The following NEK10 variants were observed in gnomAD, a reference collection of about 807,000 sequenced individuals.
The protein encoded by NEK10 is serine/threonine-protein kinase Nek10.
NEK10 carries 122 observed loss-of-function variants against 159.8 expected under a neutral mutation model. The ratio of observed to expected loss-of-function variants is 0.76; its 90% CI spans 0.66 to 0.89. The LOEUF (loss-of-function observed/expected upper bound fraction) is 0.89, where lower values mean the gene tolerates loss of function less well. NEK10 is among the 40% of genes least tolerant of loss of function. The pLI is 0.00. For missense variants in NEK10, 1,342 were observed against 1,323.1 expected, an observed-to-expected ratio of 1.01 and a Z score of -0.22; for synonymous variants, 466 against 457.1, an observed-to-expected ratio of 1.02 and a Z score of -0.25.
At chr3:27,255,089 A>G (rs1382611966) in intron 23 of NEK10, 1 of 163,342 alleles carries the variant, frequency 6.1e-6, no homozygotes, top group Non-Finnish European at 1.4e-5. Context: ...AAATCTGTTC[A>G]GAGATATATG....
At chr3:27,321,674 T>A (rs1246424949) in intron 6 of NEK10, among the ~76,000 whole-genome samples, 2 of 152,102 alleles carry the variant, frequency 1.3e-5, no homozygotes, top group Non-Finnish European at 2.9e-5. Context: ...CTCAGTGCCC[T>A]CCTTTGGGAC....
chr3:27,274,512 T>TGGTTATTC (rs921938052), intron 22 of NEK10, among the ~76,000 whole-genome samples: 1 of 152,124 alleles, frequency 6.6e-6, no homozygotes, highest in Non-Finnish European at 1.5e-5. Flanking sequence ...GGTTTGTTTC[T>TGGTTATTC]GGTTATTCAG....
chr3:27,317,199 T>C (rs2045268568), intron 6 of NEK10, among the ~76,000 whole-genome samples: 1 of 152,230 alleles, frequency 6.6e-6, no homozygotes, highest in African/African-American at 2.4e-5. Flanking sequence ...ACCCTGGTCT[T>C]CCTTGCATTT....
chr3:27,242,837 A>G (rs1954703508), intron 23 of NEK10, among the ~76,000 whole-genome samples: 1 of 152,218 alleles, frequency 6.6e-6, no homozygotes, highest in Admixed American at 6.5e-5. Context: ...TGACCAATAT[A>G]TGTAAAATCT....
intron 26 of NEK10, among the ~76,000 whole-genome samples, chr3:27,183,172 A>G (rs1575140237): frequency 1.3e-5 from 2 of 152,168 alleles, no homozygotes; most frequent in Admixed American, 1.3e-4. Context: ...TCTTGTATCA[A>G]AATTTCACAT....
rs942545824 is a variant in NEK10 at position 27,109,399 on chromosome 3, A to T, written c.*1873T>A. Among the ~76,000 whole-genome samples the T allele has an allele frequency of 4.6e-5, 7 of 150,604 alleles. No individual in the cohort carries two copies. Among genetic ancestry groups the T allele is most frequent in the Admixed American group, 1.3e-4 (2 of 15,116 alleles). On this transcript the variant is annotated 3_prime_UTR_variant, in exon 36 of 36. Transcript: ENST00000691995. ...GTCTTAAAAAAAAAAAAAAAAAAAAAGAGTTAGATGGAAACATTTTGCTCA... is the reference window on the plus strand; with the variant it reads ...GTCTTAAAAAAAAAAAAAAAAAAAATGAGTTAGATGGAAACATTTTGCTCA...
chr3:27,299,092 G>C (rs1396063262), intron 13 of NEK10, among the ~76,000 whole-genome samples: 1 of 152,166 alleles, frequency 6.6e-6, no homozygotes, highest in African/African-American at 2.4e-5. Flanking sequence ...CAAAACAATG[G>C]AGAAAATTTC....
At chr3:27,249,140 T>C (rs906565033) in intron 23 of NEK10, among the ~76,000 whole-genome samples, 1 of 152,200 alleles carries the variant, frequency 6.6e-6, no homozygotes, top group Admixed American at 6.5e-5. Flanking sequence ...TTGTGTTTGG[T>C]AGTTCCTCCT....
chr3:27,227,983 A>T (rs1952812756), intron 23 of NEK10, among the ~76,000 whole-genome samples: 1 of 152,178 alleles, frequency 6.6e-6, no homozygotes, highest in Non-Finnish European at 1.5e-5. Context: ...AGGGCACAAT[A>T]ACTTCTAGCT....
chr3:27,172,320 C>T lies in NEK10; in HGVS notation c.2777-447G>A, dbSNP rs1170423251. Among the ~76,000 whole-genome samples, 31 of 109,326 alleles carry T rather than the reference C, an allele frequency of 2.8e-4. No individual in the cohort carries two copies. In the South Asian group the frequency reaches 8.4e-3, roughly 30 times the overall value. The allele number at this position is 109,326 out of a possible 152,430, so 71.7% of individuals were successfully genotyped here. On this transcript the variant is annotated intron_variant, in intron 28 of 35. Transcript: ENST00000691995. ...ACTGCACTCCAGCCTGGTGACAGAG[C>T]GAGACCCCGTCTCAAAAAAAAAAAA...
intron 26 of NEK10, among the ~76,000 whole-genome samples, chr3:27,191,032 A>G (rs1274663053): frequency 6.6e-6 from 1 of 152,214 alleles, no homozygotes; most frequent in Non-Finnish European, 1.5e-5. Flanking sequence ...CCCAAATGAA[A>G]ACTAGATTCA....
chr3:27,358,520 C>T (rs1482861753), intron 1 of NEK10, among the ~76,000 whole-genome samples: 1 of 152,162 alleles, frequency 6.6e-6, no homozygotes, highest in Non-Finnish European at 1.5e-5. Flanking sequence ...CCTAGAGAGG[C>T]CCCTCATTTG....
intron 22 of NEK10, among the ~76,000 whole-genome samples, chr3:27,259,643 C>A (rs555913594): frequency 1.3e-5 from 2 of 152,146 alleles, no homozygotes; most frequent in Non-Finnish European, 2.9e-5. Flanking sequence ...AGTTTGAAGT[C>A]AGGTAGAGTG....
chr3:27,200,433 T>A (rs1949949432), intron 25 of NEK10, among the ~76,000 whole-genome samples: 1 of 152,042 alleles, frequency 6.6e-6, no homozygotes, highest in Non-Finnish European at 1.5e-5. Context: ...AGAAATCCCA[T>A]CAACTTAAGT....
chr3:27,160,002 A>G (rs1323450287), intron 30 of NEK10, among the ~76,000 whole-genome samples: 3 of 151,674 alleles, frequency 2.0e-5, no homozygotes, highest in African/African-American at 4.8e-5. Flanking sequence ...CATTTAGGCA[A>G]TACAGGGCTG....
intron 22 of NEK10, among the ~76,000 whole-genome samples, chr3:27,262,206 T>C (rs1559383291): frequency 6.6e-6 from 1 of 152,220 alleles, no homozygotes; most frequent in Non-Finnish European, 1.5e-5. Flanking sequence ...GATCAGATGT[T>C]AGTCTGATGG....
At chr3:27,177,642 T>C (rs746839162) in intron 26 of NEK10, among the ~76,000 whole-genome samples, 12 of 152,160 alleles carry the variant, frequency 7.9e-5, no homozygotes, top group Non-Finnish European at 1.6e-4. Context: ...CCATAAACCA[T>C]ATGCCACACA....
intron 19 of NEK10, 103 bp from the exon 20 acceptor site, chr3:27,287,846 T>C: frequency 8.5e-7 from 1 of 1,174,360 alleles, no homozygotes; most frequent in South Asian, 2.0e-5. Flanking sequence ...ACAAAGAAAT[T>C]ATATTTATTT....
chr3:27,352,386 A>G lies in NEK10; in HGVS notation c.132+79T>C. ...GCAAAGAAAAGCAGACATATCATTC[A>G]TAGATATGTTAAATGGAGCCCTTTG... On this transcript the variant is annotated intron_variant, in intron 3 of 35. Coordinates refer to ENST00000691995, the MANE Select transcript of NEK10 (RefSeq NM_001394966.1). The G allele has an allele frequency of 3.3e-6, 3 of 895,732 alleles. No homozygotes were observed. The South Asian group carries it at 4.1e-5, about 12-fold the overall frequency. The allele number at this position is 895,732 out of a possible 1,614,324, so 55.5% of individuals were successfully genotyped here. A position where few individuals can be genotyped will look rare whatever the true frequency, so the allele number is the denominator to read the frequency against.
Sources: gnomAD v4.1 joint callset for allele counts (sites outside exome capture counted in the v4.1 genomes callset) on GRCh38, gnomAD v4.1.1 for gene constraint, MANE v1.5 for transcripts, NCBI Gene and HGNC (gene_info 2026-07-23, HGNC 2026-07-21) for gene names.